OR4E1: variants seen among roughly 807,000 people sequenced by gnomAD.
OR4E1 encodes the protein olfactory receptor family 4 subfamily E member 1.
Position 21,670,602 on chromosome 14 carries a change from C to A in OR4E1, c.334G>T (p.Ala112Ser), listed in dbSNP as rs147858014. Residue 112 changes from alanine (A) to serine (S), a missense_variant, in exon 2 of 2, where the codon GCC becomes TCC. Physicochemically the swap from Ala to Ser is moderately conservative, Grantham distance 99. Coordinates refer to ENST00000641792, the MANE Select transcript of OR4E1 (RefSeq NM_001317107.2). Reference protein sequence around the residue: ...VTQMFFLHLFACTEIFLLTVM... With the variant: ...VTQMFFLHLFSCTEIFLLTVM... ...GTGAGGAGGAAGATCTCTGTGCAGG[C>A]AAAGAGGTGCAGGAAGAACATCTGG... 2,878 of 400,880 alleles carry A rather than the reference C, an allele frequency of 7.2e-3. 14 individuals carry two copies. Among genetic ancestry groups the A allele is most frequent in the Middle Eastern group, 0.023 (47 of 2,024 alleles). 24.8% of individuals were successfully genotyped at this position (400,880 alleles called of 1,614,324 possible). A position where few individuals can be genotyped will look rare whatever the true frequency, so the allele number is the denominator to read the frequency against.
Position 21,670,030 on chromosome 14 carries a change from T to G in OR4E1, c.906A>C (p.Leu302Phe), listed in dbSNP as rs1880845715. The change falls in exon 2 of 2, where the codon TTA becomes TTC. Residue 302 changes from leucine (L) to phenylalanine (F), a missense_variant. Coordinates refer to ENST00000641792, the MANE Select transcript of OR4E1 (RefSeq NM_001317107.2). ...TCTCTTTTCTCCCCACTAACTTGTT[T>G]AAGGCACTCTTCATTTCTTCATTCC... The part of the protein sequence containing the change: ...TLRNEEMKSA[L>F]NKLVGRKERK... 1 of 398,548 alleles carries G rather than the reference T, an allele frequency of 2.5e-6. No homozygotes were observed. The highest frequency in any genetic ancestry group is 2.1e-5 in the African/African-American group (1 of 48,622). The allele number at this position is 398,548 out of a possible 1,614,324, so 24.7% of individuals were successfully genotyped here.
At position 21,669,601 on chromosome 14, in the gene OR4E1, A is replaced by G. The variant is rs1018005772; in HGVS notation, c.*387T>C. 6.5e-6 allele frequency: 1 copy of G among 153,618 alleles called. No individual in the cohort carries two copies. Among genetic ancestry groups the G allele is most frequent in the African/African-American group, 2.4e-5 (1 of 41,504 alleles). The allele number at this position is 153,618 out of a possible 1,614,324, so 9.5% of individuals were successfully genotyped here. On this transcript the variant is annotated 3_prime_UTR_variant, in exon 2 of 2. Transcript: ENST00000641792. ...TTTAGACCTTGGTTATCACTCCAAC[A>G]GAAAAGCAGAAAGAGGCAGCATATG... is the stretch of plus-strand genomic sequence containing the variant.
chr14:21,669,756 C>T lies in OR4E1; in HGVS notation c.*232G>A. 3.4e-6 allele frequency: 1 copy of T among 295,414 alleles called. No homozygotes were observed. The highest frequency in any genetic ancestry group is 6.2e-6 in the Non-Finnish European group (1 of 161,350). 18.3% of individuals were successfully genotyped at this position (295,414 alleles called of 1,614,324 possible). ...TTTAGTTTCTTCATGTACAAACAAG[C>T]ATCATAATATCTACCTTTCAAAGTT... On this transcript the variant is annotated 3_prime_UTR_variant, in exon 2 of 2. Transcript: ENST00000641792.
rs1167228421 is a variant in OR4E1 at position 21,673,241 on chromosome 14, G to C, written c.-169C>G. 6.6e-6 allele frequency: 1 copy of C among 152,054 alleles called. No homozygotes were observed. Among genetic ancestry groups the C allele is most frequent in the East Asian group, 1.9e-4 (1 of 5,204 alleles). The allele number at this position is 152,054 out of a possible 1,614,324, so 9.4% of individuals were successfully genotyped here. A position where few individuals can be genotyped will look rare whatever the true frequency, so the allele number is the denominator to read the frequency against. ...TGTCTGTAAAAATCACACCTTTGTA[G>C]CTATATTATTATCATATTTTTCAAT... is the stretch of plus-strand genomic sequence containing the variant. On this transcript the variant is annotated 5_prime_UTR_variant, in exon 1 of 2. Coordinates refer to ENST00000641792, the MANE Select transcript of OR4E1 (RefSeq NM_001317107.2).
chr14:21,669,400 A>G lies in OR4E1; in HGVS notation c.*588T>C, dbSNP rs1880810718. The stretch of plus-strand genomic sequence containing the variant: ...CCCCATTTCATTGCTCTGATGGCAG[A>G]TTTTGCCTGGATACTTGAGAGTGTC... On this transcript the variant is annotated 3_prime_UTR_variant, in exon 2 of 2. Coordinates refer to ENST00000641792, the MANE Select transcript of OR4E1 (RefSeq NM_001317107.2). 6.6e-6 allele frequency: 1 copy of G among 152,200 alleles called. No homozygotes were observed. The highest frequency in any genetic ancestry group is 1.5e-5 in the Non-Finnish European group (1 of 68,028). The allele number at this position is 152,200 out of a possible 1,614,324, so 9.4% of individuals were successfully genotyped here.
intron 1 of OR4E1, 117 bp from the exon 2 acceptor site, chr14:21,671,069 T>C (rs1053481514): frequency 2.5e-6 from 1 of 396,982 alleles, no homozygotes; most frequent in Non-Finnish European, 4.4e-6. Flanking sequence ...TGGTAAAATA[T>C]CTTGCATTTC....
intron 1 of OR4E1, among the ~76,000 whole-genome samples, chr14:21,672,818 G>C (rs1396410180): frequency 1.3e-5 from 2 of 152,174 alleles, no homozygotes; most frequent in Non-Finnish European, 2.9e-5. Context: ...GCAAAATGGA[G>C]ATGTGTTCAA....
intron 1 of OR4E1, among the ~76,000 whole-genome samples, chr14:21,672,458 G>C (rs1881005198): frequency 6.6e-6 from 1 of 152,192 alleles, no homozygotes; most frequent in South Asian, 2.1e-4. Context: ...AATATTTACA[G>C]CAGCATCTAA....
At position 21,670,557 on chromosome 14, in the gene OR4E1, A is replaced by G; in HGVS notation, c.379T>C (p.Tyr127His). The G allele has an allele frequency of 2.5e-6, 1 of 400,970 alleles. No homozygotes were observed. 24.8% of individuals were successfully genotyped at this position (400,970 alleles called of 1,614,324 possible). Residue 127 changes from tyrosine (Y) to histidine (H), a missense_variant, in exon 2 of 2, where the codon TAT (tyrosine) becomes CAT (histidine). Transcript: ENST00000641792. ...TGCAGGGGTTTACAGATGGCCACAT[A>G]CCGATCATAGGCCATGACGGTGAGG... Reference protein sequence around the residue: ...FLLTVMAYDRYVAICKPLQYM... With the variant: ...FLLTVMAYDRHVAICKPLQYM...
chr14:21,672,428 C>A (rs927506488), intron 1 of OR4E1, among the ~76,000 whole-genome samples: 1 of 152,212 alleles, frequency 6.6e-6, no homozygotes, highest in Non-Finnish European at 1.5e-5. Context: ...ATTAAACTCA[C>A]TGTGTCCAGT....
intron 1 of OR4E1, among the ~76,000 whole-genome samples, chr14:21,672,239 T>C (rs575198534): frequency 6.6e-6 from 1 of 152,302 alleles, no homozygotes; most frequent in South Asian, 2.1e-4. Flanking sequence ...TCTCTCTTGG[T>C]TGCTTGGGCC....
chr14:21,672,643 A>G (rs1566594501), intron 1 of OR4E1, among the ~76,000 whole-genome samples: 1 of 152,202 alleles, frequency 6.6e-6, no homozygotes, highest in African/African-American at 2.4e-5. Flanking sequence ...CAGTATGGGA[A>G]ATTTCACCTG....
intron 1 of OR4E1, among the ~76,000 whole-genome samples, 190 bp downstream of exon 1, chr14:21,672,900 A>T (rs1207926022): frequency 6.6e-6 from 1 of 152,212 alleles, no homozygotes; most frequent in Non-Finnish European, 1.5e-5. Context: ...GGAAATGGGG[A>T]AAGATGATTA....
Position 21,669,747 on chromosome 14 carries a change from A to T in OR4E1, c.*241T>A, listed in dbSNP as rs1042392412. On this transcript the variant is annotated 3_prime_UTR_variant, in exon 2 of 2. Transcript: ENST00000641792. ...TCCTCGAGCTTTAGTTTCTTCATGT[A>T]CAAACAAGCATCATAATATCTACCT... 1 of 275,782 alleles carries T rather than the reference A, an allele frequency of 3.6e-6. No individual in the cohort carries two copies. The highest frequency in any genetic ancestry group is 1.7e-4 in the South Asian group (1 of 5,920). The allele number at this position is 275,782 out of a possible 1,614,324, so 17.1% of individuals were successfully genotyped here.
chr14:21,669,873 T>C lies in OR4E1; in HGVS notation c.*115A>G. ...AACGATTGCTATGACTGTCAGATAT[T>C]GGACCAAGGATAGTTTTATAAGTCA... On this transcript the variant is annotated 3_prime_UTR_variant, in exon 2 of 2. Coordinates refer to ENST00000641792, the MANE Select transcript of OR4E1 (RefSeq NM_001317107.2). The C allele has an allele frequency of 2.5e-6, 1 of 396,252 alleles. No homozygotes were observed. The highest frequency in any genetic ancestry group is 4.4e-6 in the Non-Finnish European group (1 of 225,094). 24.5% of individuals were successfully genotyped at this position (396,252 alleles called of 1,614,324 possible).
rs192072152 is a variant in OR4E1, at chr14:21,668,157, G to A, written c.*1831C>T. 4 of 152,640 alleles carry A rather than the reference G, an allele frequency of 2.6e-5. No individual in the cohort carries two copies. The highest frequency in any genetic ancestry group is 1.9e-4 in the East Asian group (1 of 5,186). The allele number at this position is 152,640 out of a possible 1,614,324, so 9.5% of individuals were successfully genotyped here. A position where few individuals can be genotyped will look rare whatever the true frequency, so the allele number is the denominator to read the frequency against. On this transcript the variant is annotated 3_prime_UTR_variant, in exon 2 of 2. Coordinates refer to ENST00000641792, the MANE Select transcript of OR4E1 (RefSeq NM_001317107.2). ...TACCAGCTACAATCTTAATGGCTAC[G>A]TTGAAGCATTGTGTTGTTGACAGAC...
chr14:21,672,571 G>A lies in OR4E1; in HGVS notation c.-18+519C>T, dbSNP rs1881010766. On this transcript the variant is annotated intron_variant, in intron 1 of 1. Coordinates refer to ENST00000641792, the MANE Select transcript of OR4E1 (RefSeq NM_001317107.2). ...TTTTAAGTGTTACTGATTTACACTT[G>A]TTTTCATGGTCGCAAAATTCAAAGC... Among the ~76,000 whole-genome samples the A allele has an allele frequency of 2.0e-5, 3 of 151,966 alleles. No homozygotes were observed. In the South Asian group the frequency reaches 6.3e-4, roughly 32 times the overall value.
chr14:21,672,305 T>A (rs1880998779), intron 1 of OR4E1, among the ~76,000 whole-genome samples: 1 of 152,142 alleles, frequency 6.6e-6, no homozygotes, highest in Admixed American at 6.5e-5. Flanking sequence ...ATTTATATCA[T>A]CCCTCAAGAT....
In OR4E1 at chr14:21,667,920, ACT is replaced by A. The variant is rs926667171; in HGVS notation, c.*2066_*2067del. 8 of 152,470 alleles carry A rather than the reference ACT, an allele frequency of 5.2e-5. No homozygotes were observed. The East Asian group carries it at 1.4e-3, about 26-fold the overall frequency. 9.4% of individuals were successfully genotyped at this position (152,470 alleles called of 1,614,324 possible). A position where few individuals can be genotyped will look rare whatever the true frequency, so the allele number is the denominator to read the frequency against. Reference sequence around the variant, plus strand: ...AGATCTTTTATTTTTGTTCTTTAAGACTCTCTATTTATTTAGTGAGTAATTAA... The same window carrying A: ...AGATCTTTTATTTTTGTTCTTTAAGACTCTATTTATTTAGTGAGTAATTAA... On this transcript the variant is annotated 3_prime_UTR_variant, in exon 2 of 2. Transcript: ENST00000641792.
Sources: allele counts gnomAD v4.1 joint callset (sites outside exome capture counted in the v4.1 genomes callset), GRCh38; gene constraint gnomAD v4.1.1; transcripts MANE v1.5; gene names NCBI Gene and HGNC (gene_info 2026-07-23, HGNC 2026-07-21).